FUT8: variants seen among roughly 807,000 people sequenced by gnomAD.
FUT8 encodes the protein alpha-(1,6)-fucosyltransferase.
FUT8 carries 29 observed loss-of-function variants against 71.3 expected under a neutral mutation model. The observed-to-expected ratio is 0.41, with a 90% CI of 0.30 to 0.55. FUT8 has a LOEUF of 0.55. Ranked by LOEUF, FUT8 falls within the 20% of genes least tolerant of loss-of-function variation. The pLI, the probability that FUT8 is intolerant of heterozygous loss-of-function variation, is 0.34. For synonymous variants in FUT8, 254 were observed against 239.3 expected, an observed-to-expected ratio of 1.06 and a Z score of -0.57; for missense variants, 544 against 702.1, an observed-to-expected ratio of 0.77 and a Z score of 2.55.
chr14:65,666,332 G>C (rs1044340096), intron 6 of FUT8, among the ~76,000 whole-genome samples: 1 of 151,982 alleles, frequency 6.6e-6, no homozygotes, highest in African/African-American at 2.4e-5. Flanking sequence ...CACCTGTAAA[G>C]AGAAGTTAAG....
At chr14:65,728,364 A>G (rs374875861) in intron 9 of FUT8, among the ~76,000 whole-genome samples, 1 of 152,234 alleles carries the variant, frequency 6.6e-6, no homozygotes, top group South Asian at 2.1e-4. Flanking sequence ...CACAATCATG[A>G]TGGAAGGCGA....
At chr14:65,416,027 C>A (rs1172424693) in intron 1 of FUT8, among the ~76,000 whole-genome samples, 1 of 152,074 alleles carries the variant, frequency 6.6e-6, no homozygotes, top group African/African-American at 2.4e-5. Flanking sequence ...TGTTTATTAT[C>A]CATAGCTCTT....
chr14:65,502,634 C>T (rs1031206125), intron 2 of FUT8, among the ~76,000 whole-genome samples: 2 of 152,068 alleles, frequency 1.3e-5, no homozygotes, highest in African/African-American at 2.4e-5. Flanking sequence ...TTTTAAAAGC[C>T]CTTATTTAAA....
At chr14:65,491,950 T>C (rs901849084) in intron 2 of FUT8, among the ~76,000 whole-genome samples, 1 of 152,166 alleles carries the variant, frequency 6.6e-6, no homozygotes, top group Admixed American at 6.6e-5. Context: ...TGTGATGTAA[T>C]ATAGTGCTGT....
chr14:65,575,564 C>CTTCT (rs1886711120), intron 3 of FUT8, among the ~76,000 whole-genome samples: 1 of 5,004 alleles, frequency 2.0e-4, no homozygotes, highest in Admixed American at 2.6e-3. Flanking sequence ...TCCTCCCTCC[C>CTTCT]TTCTTTCCTT....
chr14:65,696,912 G>T lies in FUT8; in HGVS notation c.836-24863G>T, dbSNP rs990080879. ...ATTTAAAAAAAATTTTTTTTCCTTG[G>T]AGTTTCCATCTCTCTGCCTGCATTA... On this transcript the variant is annotated intron_variant, in intron 7 of 10. Transcript: ENST00000673929. Among the ~76,000 whole-genome samples the T allele has an allele frequency of 3.3e-5, 5 of 151,912 alleles. No homozygotes were observed. The East Asian group carries it at 9.7e-4, about 29-fold the overall frequency.
intron 2 of FUT8, among the ~76,000 whole-genome samples, chr14:65,558,810 A>G (rs776841574): frequency 1.3e-5 from 2 of 152,202 alleles, no homozygotes; most frequent in Non-Finnish European, 2.9e-5. Context: ...TGGGGATTTA[A>G]AAAATACTGG....
the FUT8 span, among the ~76,000 whole-genome samples, chr14:65,380,789 T>G: frequency 6.6e-6 from 1 of 152,266 alleles, no homozygotes; most frequent in African/African-American, 2.4e-5. Context: ...CTTCTGAATG[T>G]ATTGATCCCA....
intron 1 of FUT8, among the ~76,000 whole-genome samples, chr14:65,435,426 G>T (rs574380958): frequency 6.6e-6 from 1 of 152,116 alleles, no homozygotes; most frequent in Non-Finnish European, 1.5e-5. Flanking sequence ...TTTATGTTGC[G>T]TGTATCAATA....
intron 7 of FUT8, among the ~76,000 whole-genome samples, chr14:65,681,636 G>T (rs1893040127): frequency 6.6e-6 from 1 of 152,110 alleles, no homozygotes; most frequent in South Asian, 2.1e-4. Flanking sequence ...AATCTCAGTT[G>T]TATGTGTGTA....
chr14:65,537,793 T>C (rs1412001969), intron 2 of FUT8, among the ~76,000 whole-genome samples: 3 of 152,242 alleles, frequency 2.0e-5, no homozygotes, highest in African/African-American at 7.2e-5. Context: ...TTTTATTCTG[T>C]TTGACGACCT....
Position 65,588,928 on chromosome 14 carries a change from G to A in FUT8, c.204-27050G>A, listed in dbSNP as rs79587080. Among the ~76,000 whole-genome samples the A allele has an allele frequency of 5.7e-3, 874 of 152,244 alleles. 28 individuals carry two copies. The East Asian group carries it at 0.093, about 16-fold the overall frequency. On this transcript the variant is annotated intron_variant, in intron 3 of 10. Coordinates refer to ENST00000673929, the MANE Select transcript of FUT8 (RefSeq NM_001371533.1). ...AATTCAGGCATCCACTAGGGGTCTT[G>A]GAACAGTATCCCCACAAATAAGAGG...
intron 7 of FUT8, among the ~76,000 whole-genome samples, chr14:65,720,050 CA>C (rs973996207): frequency 6.5e-4 from 99 of 152,336 alleles, no homozygotes; most frequent in African/African-American, 2.2e-3. Flanking sequence ...TTCAGGACAG[CA>C]AGCAAGTTCC....
rs907707536 is a variant in FUT8, at chr14:65,640,458, A to G, written c.597+10852A>G. ...TATTTTTGGAACATATTTTTAATGTAATTGTTATTTAATGCCTTCCTAAAT... is the reference window on the plus strand; with the variant it reads ...TATTTTTGGAACATATTTTTAATGTGATTGTTATTTAATGCCTTCCTAAAT... On this transcript the variant is annotated intron_variant, in intron 6 of 10. Coordinates refer to ENST00000673929, the MANE Select transcript of FUT8 (RefSeq NM_001371533.1). 4.6e-5 allele frequency among the ~76,000 whole-genome samples: 7 copies of G among 152,226 alleles called. No individual in the cohort carries two copies. The East Asian group carries it at 1.3e-3, about 29-fold the overall frequency.
At chr14:65,516,666 C>G (rs1022411605) in intron 2 of FUT8, among the ~76,000 whole-genome samples, 13 of 151,938 alleles carry the variant, frequency 8.6e-5, no homozygotes, top group Admixed American at 8.5e-4. Flanking sequence ...ATTGAATATA[C>G]AAAATATTAT....
At chr14:65,376,446 T>G in the FUT8 span, among the ~76,000 whole-genome samples, 1 of 85,326 alleles carries the variant, frequency 1.2e-5, no homozygotes, top group African/African-American at 3.5e-5. Flanking sequence ...AGTCTCTTCC[T>G]GTCACACAGG....
intron 2 of FUT8, among the ~76,000 whole-genome samples, chr14:65,506,472 T>G (rs921097289): frequency 6.6e-6 from 1 of 152,218 alleles, no homozygotes; most frequent in Non-Finnish European, 1.5e-5. Flanking sequence ...ACATAAAAAT[T>G]TAGCTTTCTA....
At chr14:65,431,180 A>T (rs67071794) in intron 1 of FUT8, among the ~76,000 whole-genome samples, 49,573 of 139,204 alleles carry the variant, frequency 0.36, 10,638 homozygotes, top group Non-Finnish European at 0.49. Flanking sequence ...TTTTTTTTTT[A>T]AAGTAGAGAC....
intron 2 of FUT8, among the ~76,000 whole-genome samples, chr14:65,493,799 CT>C (rs1034004234): frequency 5.4e-5 from 8 of 148,288 alleles, no homozygotes; most frequent in African/African-American, 1.2e-4. Flanking sequence ...AAATTTTCTC[CT>C]TTTTTTTTTC....
Sources: gnomAD v4.1 joint callset for allele counts (sites outside exome capture counted in the v4.1 genomes callset) on GRCh38, gnomAD v4.1.1 for gene constraint, MANE v1.5 for transcripts, NCBI Gene and HGNC (gene_info 2026-07-23, HGNC 2026-07-21) for gene names.